HABP4: variants seen among roughly 807,000 people sequenced by gnomAD.
HABP4 encodes intracellular hyaluronan-binding protein 4.
In HABP4, 32 loss-of-function variants were observed where a neutral mutation model predicts 44.1. The observed-to-expected ratio is 0.73, with a 90% CI of 0.55 to 0.97. The LOEUF (loss-of-function observed/expected upper bound fraction) is 0.97, where lower values mean the gene tolerates loss of function less well. HABP4 is among the 50% of genes least tolerant of loss of function. The pLI, the probability that HABP4 is intolerant of heterozygous loss-of-function variation, is 0.00. For missense variants in HABP4, 503 were observed against 561.9 expected (o/e 0.90, Z 1.06); for synonymous variants, 216 against 218.0 (o/e 0.99, Z 0.08).
intron 6 of HABP4, among the ~76,000 whole-genome samples, chr9:96,487,728 A>G (rs2131162619): frequency 6.6e-6 from 1 of 152,370 alleles, no homozygotes; most frequent in African/African-American, 2.4e-5. Flanking sequence ...CTTAGATATA[A>G]AACATGTATA....
chr9:96,486,424 G>C (rs1476965707), intron 6 of HABP4, among the ~76,000 whole-genome samples: 1 of 152,070 alleles, frequency 6.6e-6, no homozygotes, highest in Admixed American at 6.5e-5. Flanking sequence ...TTTTGTTCTA[G>C]GCATTGTAAA....
chr9:96,452,970 G>C (rs2131108798), intron 1 of HABP4, among the ~76,000 whole-genome samples: 1 of 139,132 alleles, frequency 7.2e-6, no homozygotes, highest in Admixed American at 7.5e-5. Context: ...AGACAGGCTG[G>C]AGTGCAGTGG....
At chr9:96,460,909 TAAC>T (rs1202814433) in intron 2 of HABP4, among the ~76,000 whole-genome samples, 1 of 152,186 alleles carries the variant, frequency 6.6e-6, no homozygotes, top group Non-Finnish European at 1.5e-5. Context: ...ATAATACTCT[TAAC>T]TAATAATAAA....
intron 5 of HABP4, among the ~76,000 whole-genome samples, chr9:96,473,811 CCTAT>C (rs1215114891): frequency 1.3e-5 from 2 of 152,194 alleles, no homozygotes; most frequent in Admixed American, 6.5e-5. Context: ...TTACTCTTCG[CCTAT>C]CTGTCTCTTA....
rs961130739 is a variant in HABP4 at position 96,465,481 on chromosome 9, T to C, written c.657T>C (p.Tyr219=). Residue 219 remains tyrosine (Y), a synonymous_variant, in exon 3 of 8, where the codon TAT becomes TAC. Transcript: ENST00000375249. The part of the protein sequence containing the change: ...DQRGKREFER[Y]GGNDKIAVRT... ...GAGGAAAGCGAGAATTTGAAAGATA[T>C]GGTGGGAATGACAAAATGTAAGTTT... 2 of 1,610,736 alleles carry C rather than the reference T, an allele frequency of 1.2e-6. No individual in the cohort carries two copies.
At position 96,488,343 on chromosome 9, in the gene HABP4, T is replaced by C. The variant is rs1278299076; in HGVS notation, c.1185+69T>C. 1 of 1,044,640 alleles carries C rather than the reference T, an allele frequency of 9.6e-7. No homozygotes were observed. Among genetic ancestry groups the C allele is most frequent in the Non-Finnish European group, 1.4e-6 (1 of 719,816 alleles). The allele number at this position is 1,044,640 out of a possible 1,614,324, so 64.7% of individuals were successfully genotyped here. A position where few individuals can be genotyped will look rare whatever the true frequency, so the allele number is the denominator to read the frequency against. The stretch of plus-strand genomic sequence containing the variant: ...ACAGTGCCCTGGGCCCAGGATGGTC[T>C]AATTTCAGAGGGTCATGAGTTTCTG... On this transcript the variant is annotated intron_variant, in intron 7 of 7. Coordinates refer to ENST00000375249, the MANE Select transcript of HABP4 (RefSeq NM_014282.4). The surrounding 1 kb of genome is among the most constrained non-coding windows in gnomAD (Gnocchi z 4.6).
intron 5 of HABP4, among the ~76,000 whole-genome samples, chr9:96,472,235 G>T (rs147185193): frequency 2.6e-5 from 4 of 151,996 alleles, no homozygotes; most frequent in African/African-American, 7.3e-5. Flanking sequence ...AAGTCACATC[G>T]TGGGCCTGGT....
chr9:96,458,977 T>C (rs1304055824), intron 2 of HABP4, among the ~76,000 whole-genome samples: 1 of 152,016 alleles, frequency 6.6e-6, no homozygotes, highest in Non-Finnish European at 1.5e-5. Context: ...GTCCTAGGAA[T>C]GTTTTACTAA....
At chr9:96,457,997 T>C (rs1177370416) in intron 1 of HABP4, among the ~76,000 whole-genome samples, 1 of 152,210 alleles carries the variant, frequency 6.6e-6, no homozygotes, top group African/African-American at 2.4e-5. Flanking sequence ...GTCTGAAATA[T>C]AGGGTATTCT....
At chr9:96,459,574 A>G (rs531156685) in intron 2 of HABP4, among the ~76,000 whole-genome samples, 1 of 152,332 alleles carries the variant, frequency 6.6e-6, no homozygotes, top group Admixed American at 6.5e-5. Context: ...CAAGGAAAAT[A>G]AAGTTAAACA....
chr9:96,471,167 G>A lies in HABP4; in HGVS notation c.827+73G>A, dbSNP rs372228987. On this transcript the variant is annotated intron_variant, in intron 5 of 7. Coordinates refer to ENST00000375249, the MANE Select transcript of HABP4 (RefSeq NM_014282.4). ...ATGATTTCTTTTTTTTTTTTGAGAT[G>A]GAACTTGCTTTGTCACCCAGGCTGG... is the stretch of plus-strand genomic sequence containing the variant. 2.5e-5 allele frequency: 21 copies of A among 842,172 alleles called. No homozygotes were observed. In the African/African-American group the frequency reaches 3.2e-4, roughly 13 times the overall value. The allele number at this position is 842,172 out of a possible 1,614,324, so 52.2% of individuals were successfully genotyped here.
Position 96,450,680 on chromosome 9 carries a change from TGG to T in HABP4, c.349+55_349+56del. Reference sequence around the variant, plus strand: ...ACCACGGCTCGGCCCGCTGTGAGACTGGGGTCCCGGGGGCCGGTTTCAGGAGG... The same window carrying T: ...ACCACGGCTCGGCCCGCTGTGAGACTGGTCCCGGGGGCCGGTTTCAGGAGG... On this transcript the variant is annotated intron_variant, in intron 1 of 7. Coordinates refer to ENST00000375249, the MANE Select transcript of HABP4 (RefSeq NM_014282.4). This position sits in a 1 kb window ranked among gnomAD's most constrained non-coding sequence, Gnocchi z 4.8. 1 of 1,218,914 alleles carries T rather than the reference TGG, an allele frequency of 8.2e-7. No individual in the cohort carries two copies. The highest frequency in any genetic ancestry group is 1.0e-6 in the Non-Finnish European group (1 of 976,500). The allele number at this position is 1,218,914 out of a possible 1,614,324, so 75.5% of individuals were successfully genotyped here. A position where few individuals can be genotyped will look rare whatever the true frequency, so the allele number is the denominator to read the frequency against.
At chr9:96,477,436 A>G (rs1056920922) in intron 5 of HABP4, among the ~76,000 whole-genome samples, 4 of 152,144 alleles carry the variant, frequency 2.6e-5, no homozygotes, top group Non-Finnish European at 5.9e-5. Flanking sequence ...GCATATTTCT[A>G]CCAACTTCTG....
At chr9:96,487,213 T>A (rs1224222660) in intron 6 of HABP4, among the ~76,000 whole-genome samples, 1 of 152,160 alleles carries the variant, frequency 6.6e-6, no homozygotes, top group African/African-American at 2.4e-5. Flanking sequence ...CTCCATTTCC[T>A]GGTTGTAGGA....
chr9:96,478,695 C>T (rs1832827626), intron 5 of HABP4, among the ~76,000 whole-genome samples: 6 of 149,586 alleles, frequency 4.0e-5, no homozygotes, highest in Admixed American at 3.3e-4. Context: ...AGATCTTGCT[C>T]TGTCACCCAG....
At chr9:96,456,772 AAAAAAAAAATATATAT>A (rs1367980444) in intron 1 of HABP4, among the ~76,000 whole-genome samples, 6 of 72,098 alleles carry the variant, frequency 8.3e-5, no homozygotes, top group African/African-American at 2.5e-4. Context: ...AAAAAAAAAA[AAAAAAAAAATATATAT>A]ATATATATAT....
At chr9:96,487,474 T>C (rs1349565410) in intron 6 of HABP4, among the ~76,000 whole-genome samples, 2 of 152,224 alleles carry the variant, frequency 1.3e-5, no homozygotes, top group Non-Finnish European at 2.9e-5. Flanking sequence ...GCAGTGTTGG[T>C]AGAACACTCA....
Position 96,450,294 on chromosome 9 carries a change from G to A in HABP4, c.15G>A (p.Leu5=). The change falls in exon 1 of 8, where the codon CTG becomes CTA. Residue 5 remains leucine (L), a synonymous_variant. Coordinates refer to ENST00000375249, the MANE Select transcript of HABP4 (RefSeq NM_014282.4). The surrounding 1 kb of genome is among the most constrained non-coding windows in gnomAD (Gnocchi z 4.8). MKGA[L]GSPVAAAGAA... ...GTCGCGGCGGCATGAAGGGCGCTCT[G>A]GGGAGTCCCGTGGCTGCCGCTGGCG... 1 of 1,464,414 alleles carries A rather than the reference G, an allele frequency of 6.8e-7. No homozygotes were observed. Among genetic ancestry groups the A allele is most frequent in the Non-Finnish European group, 9.1e-7 (1 of 1,099,942 alleles). The allele number at this position is 1,464,414 out of a possible 1,614,324, so 90.7% of individuals were successfully genotyped here. A position where few individuals can be genotyped will look rare whatever the true frequency, so the allele number is the denominator to read the frequency against.
Position 96,458,501 on chromosome 9 carries a change from A to G in HABP4, c.472A>G (p.Arg158Gly). 5 of 1,613,578 alleles carry G rather than the reference A, an allele frequency of 3.1e-6. No individual in the cohort carries two copies. Among genetic ancestry groups the G allele is most frequent in the African/African-American group, 1.3e-5 (1 of 75,036 alleles). The stretch of plus-strand genomic sequence containing the variant: ...GGAATACCGACCCTATGAGACAGAG[A>G]GGCAGGCAGACTTCACAGCTGAGAA... ...YREYRPYETERQADFTAEKFP... is the reference protein window; with the variant it reads ...YREYRPYETEGQADFTAEKFP... The change falls in exon 2 of 8, where the codon AGG (arginine) becomes GGG (glycine). Residue 158 changes from arginine (R) to glycine (G), a missense_variant. This residue lies in a region of HABP4 where 290 missense variants were observed against 300.5 expected (regional missense o/e 0.97). Transcript: ENST00000375249.
Sources: allele counts gnomAD v4.1 joint callset (sites outside exome capture counted in the v4.1 genomes callset), GRCh38; gene constraint gnomAD v4.1.1; regional missense constraint gnomAD v4.1.1; non-coding constraint Gnocchi (gnomAD v3.1); transcripts MANE v1.5; gene names NCBI Gene and HGNC (gene_info 2026-07-23, HGNC 2026-07-21).